Variants in FARSA observed in about 807,000 individuals in gnomAD.
FARSA encodes phenylalanine--tRNA ligase alpha subunit.
A neutral mutation model predicts 63.2 loss-of-function variants in FARSA; 37 were observed. The observed-to-expected ratio is 0.59, with a 90% CI of 0.45 to 0.77. The LOEUF is 0.77. Among genes scored for constraint, FARSA ranks in the 30% least tolerant of loss-of-function variants. The pLI, the probability that FARSA is intolerant of heterozygous loss-of-function variation, is 0.00. For missense variants in FARSA, 618 were observed against 696.6 expected (o/e 0.89, Z 1.27); for synonymous variants, 312 against 285.1 (o/e 1.09, Z -0.95).
rs774390824 is a variant in FARSA, at chr19:12,924,563, T to C, written c.1196-37A>G. The C allele has an allele frequency of 6.8e-6, 11 of 1,612,628 alleles. No homozygotes were observed. The Admixed American group carries it at 8.3e-5, about 12-fold the overall frequency. Reference sequence around the variant, plus strand: ...GGGGGGCGGGCAGGAGAGCAGGGGTTTGGAGGATAATGCTGGTGATCAACA... The same window carrying C: ...GGGGGGCGGGCAGGAGAGCAGGGGTCTGGAGGATAATGCTGGTGATCAACA... On this transcript the variant is annotated intron_variant, in intron 10 of 12. Coordinates refer to ENST00000314606, the MANE Select transcript of FARSA (RefSeq NM_004461.3). This position sits in a 1 kb window ranked among gnomAD's most constrained non-coding sequence, Gnocchi z 6.4.
At chr19:12,925,518 CG>C (rs974369645) in intron 7 of FARSA, among the ~76,000 whole-genome samples, 3 of 151,062 alleles carry the variant, frequency 2.0e-5, no homozygotes, top group African/African-American at 7.3e-5. Context: ...CCACCACACC[CG>C]GGAAATTTTT....
In FARSA at chr19:12,929,013, C is replaced by G. The variant is rs149594990; in HGVS notation, c.504-166G>C. Among the ~76,000 whole-genome samples the G allele has an allele frequency of 7.2e-5, 11 of 152,320 alleles. No individual in the cohort carries two copies. The South Asian group carries it at 2.1e-3, about 29-fold the overall frequency. The stretch of plus-strand genomic sequence containing the variant: ...ATCCTCCTATGTGACCATGCTGTAT[C>G]TCCCTGTATTCACTCACTGATTCAT... On this transcript the variant is annotated intron_variant, in intron 4 of 12. Transcript: ENST00000314606.
intron 12 of FARSA, 46 bp from the exon 13 acceptor site, chr19:12,922,932 C>T (rs926518493): frequency 6.2e-7 from 1 of 1,611,992 alleles, no homozygotes. Context: ...AGCACGTGCA[C>T]CCTTCTGCTC....
intron 4 of FARSA, among the ~76,000 whole-genome samples, chr19:12,929,097 A>G (rs1911721444): frequency 6.6e-6 from 1 of 152,184 alleles, no homozygotes; most frequent in African/African-American, 2.4e-5. Flanking sequence ...TAAGTACACG[A>G]CTGAGTGATG....
At chr19:12,931,902 C>T (rs1363468921) in intron 1 of FARSA, among the ~76,000 whole-genome samples, 1 of 152,316 alleles carries the variant, frequency 6.6e-6, no homozygotes, top group East Asian at 1.9e-4. Context: ...AGGAAAGTTG[C>T]TTAACCTCTC....
In FARSA at chr19:12,928,358, G is replaced by A; in HGVS notation, c.825C>T (p.Asp275=). 1.9e-6 allele frequency: 3 copies of A among 1,614,052 alleles called. No homozygotes were observed. The highest frequency in any genetic ancestry group is 1.1e-5 in the South Asian group (1 of 91,088). The change falls in exon 7 of 13, where the codon GAC becomes GAT. Residue 275 remains aspartate (D), a synonymous_variant. Transcript: ENST00000314606. Reference sequence around the variant, plus strand: ...CTGACCCACCTCGAAGGAAGAAGGTGTCGTGCTGGTCACGGGCTGGGTGCT... The same window carrying A: ...CTGACCCACCTCGAAGGAAGAAGGTATCGTGCTGGTCACGGGCTGGGTGCT... ...PQQHPARDQH[D]TFFLRDPAEA...
At position 12,930,433 on chromosome 19, in the gene FARSA, CG is replaced by C; in HGVS notation, c.379del (p.Arg127GlufsTer33). On this transcript the variant is annotated frameshift_variant, in exon 3 of 13. Transcript: ENST00000314606. LOFTEE classifies it high-confidence loss of function. Reference sequence around the variant, plus strand: ...GACCAGCCCGCAGGAACGCACCACTCGGAACACCCGGGGCCCGTCAGCCGCA... The same window carrying C: ...GACCAGCCCGCAGGAACGCACCACTCGAACACCCGGGGCCCGTCAGCCGCA... ...KSAADGPRVF[R>X]VVDSMEDEVQ... 1 of 1,613,874 alleles carries C rather than the reference CG, an allele frequency of 6.2e-7. No individual in the cohort carries two copies. The highest frequency in any genetic ancestry group is 2.2e-5 in the East Asian group (1 of 44,878).
intron 7 of FARSA, 22 bp from the exon 8 acceptor site, chr19:12,925,196 C>T (rs1326784107): frequency 5.8e-6 from 9 of 1,556,012 alleles, no homozygotes; most frequent in African/African-American, 1.4e-5. Context: ...AGAGCAACAT[C>T]AGGTCAGTCA....
chr19:12,925,839 A>T (rs558713784), intron 7 of FARSA, among the ~76,000 whole-genome samples: 1 of 151,628 alleles, frequency 6.6e-6, no homozygotes, highest in Non-Finnish European at 1.5e-5. Flanking sequence ...ACACACAGCT[A>T]ATTTTTTATA....
chr19:12,928,947 A>T (rs1971360877), intron 4 of FARSA, 100 bp from the exon 5 acceptor site: 1 of 1,004,010 alleles, frequency 1.0e-6, no homozygotes, highest in Non-Finnish European at 1.6e-6. Context: ...CTACCAAGTC[A>T]CTCTGCTTTA....
intron 1 of FARSA, among the ~76,000 whole-genome samples, chr19:12,931,992 C>T (rs1395546373): frequency 1.3e-5 from 2 of 151,552 alleles, no homozygotes; most frequent in African/African-American, 4.8e-5. Flanking sequence ...AATTAATACT[C>T]AGAAAGAATA....
At chr19:12,933,319 T>TTAAAAA in intron 1 of FARSA, 9 of 536,700 alleles carry the variant, frequency 1.7e-5, no homozygotes, top group Admixed American at 3.8e-5. Context: ...TCGTCCATCA[T>TTAAAAA]CGTACCCTCT....
intron 1 of FARSA, among the ~76,000 whole-genome samples, chr19:12,931,151 A>G (rs1971390085): frequency 6.6e-6 from 1 of 152,176 alleles, no homozygotes; most frequent in African/African-American, 2.4e-5. Context: ...GGCTGGGTGC[A>G]GTGGTGTGAT....
intron 1 of FARSA, 51 bp downstream of exon 1, chr19:12,933,499 G>A (rs1235764016): frequency 1.1e-5 from 17 of 1,523,442 alleles, no homozygotes; most frequent in South Asian, 9.6e-5. Context: ...CCGTGGCAAG[G>A]GGACTGTAGG....
intron 1 of FARSA, 36 bp from the exon 2 acceptor site, chr19:12,930,785 G>A (rs760146457): frequency 3.1e-6 from 5 of 1,600,560 alleles, no homozygotes; most frequent in Non-Finnish European, 3.4e-6. Context: ...CCAGGCAGGG[G>A]TGAGGCTCAG....
chr19:12,923,984 AT>A (rs1971295595), intron 12 of FARSA, among the ~76,000 whole-genome samples, 166 bp downstream of exon 12: 1 of 152,240 alleles, frequency 6.6e-6, no homozygotes, highest in Non-Finnish European at 1.5e-5. Context: ...AGGGAGGGAC[AT>A]AAGCTGTCAT....
Position 12,924,483 on chromosome 19 carries a change from TG to T in FARSA, c.1238del (p.Thr413LysfsTer14). The T allele has an allele frequency of 6.2e-7, 1 of 1,613,484 alleles. No homozygotes were observed. The highest frequency in any genetic ancestry group is 8.5e-7 in the Non-Finnish European group (1 of 1,180,010). ...AGCTGAACACCTCCATGCTGGGCTC[TG>T]TGTATGGGTTGTAGGCTGGCTTGAA... ...LRFKPAYNPY[T>X]EPSMEVFSYH... On this transcript the variant is annotated frameshift_variant, in exon 11 of 13. Coordinates refer to ENST00000314606, the MANE Select transcript of FARSA (RefSeq NM_004461.3). LOFTEE classifies it high-confidence loss of function. This position sits in a 1 kb window ranked among gnomAD's most constrained non-coding sequence, Gnocchi z 6.4.
chr19:12,933,564 G>A lies in FARSA; in HGVS notation c.133C>T (p.Gln45Ter). Reference protein sequence around the residue: ...QAVVGAVKSLQALGEVIEAEL... With the variant: ...QAVVGAVKSL ...GCCCGGCTCACCTCGCCCAGCGCCT[G>A]AAGGCTCTTCACGGCGCCCACCACC... The change falls in exon 1 of 13, where the codon CAG (glutamine) becomes TAG (stop). Residue 45 changes from glutamine (Q) to a stop codon, truncating the protein, a stop_gained. Coordinates refer to ENST00000314606, the MANE Select transcript of FARSA (RefSeq NM_004461.3). LOFTEE classifies it high-confidence loss of function. 6.5e-7 allele frequency: 1 copy of A among 1,546,178 alleles called. No homozygotes were observed. Among genetic ancestry groups the A allele is most frequent in the Non-Finnish European group, 8.7e-7 (1 of 1,150,682 alleles).
chr19:12,928,869 G>A (rs769451595), intron 4 of FARSA, 22 bp from the exon 5 acceptor site: 1 of 1,606,734 alleles, frequency 6.2e-7, no homozygotes, highest in South Asian at 1.1e-5. Flanking sequence ...GGAAGGAAGG[G>A]GACGCCACTG....
Sources: gnomAD v4.1 joint callset for allele counts (sites outside exome capture counted in the v4.1 genomes callset) on GRCh38, gnomAD v4.1.1 for gene constraint, Gnocchi (gnomAD v3.1) non-coding constraint, MANE v1.5 for transcripts, NCBI Gene and HGNC (gene_info 2026-07-23, HGNC 2026-07-21) for gene names.